The following PRELID2 variants were observed in gnomAD, a reference collection of about 807,000 sequenced individuals.
PRELID2 encodes the protein PRELI domain containing 2, also known as PRELI domain-containing protein 2.
PRELID2 carries 25 observed loss-of-function variants against 28.4 expected under a neutral mutation model. That is an observed-to-expected ratio of 0.88 (90% confidence interval 0.64 to 1.23). PRELID2 has a LOEUF of 1.23. PRELID2 is among the 50% of genes most tolerant of loss of function. The probability of loss-of-function intolerance (pLI) is 0.00; values close to 1 mark genes in which losing one functional copy is unlikely to be tolerated. For missense variants in PRELID2, 201 were observed against 214.4 expected, an observed-to-expected ratio of 0.94 and a Z score of 0.39; for synonymous variants, 76 against 71.6, an observed-to-expected ratio of 1.06 and a Z score of -0.31.
At chr5:145,784,067 A>C (rs1055095754) in intron 5 of PRELID2, among the ~76,000 whole-genome samples, 12 of 152,152 alleles carry the variant, frequency 7.9e-5, no homozygotes, top group African/African-American at 2.9e-4. Flanking sequence ...AGATCACTTG[A>C]GGCCACAGGT....
chr5:145,821,317 G>A (rs1403443169), intron 2 of PRELID2, among the ~76,000 whole-genome samples: 2 of 150,848 alleles, frequency 1.3e-5, no homozygotes, highest in African/African-American at 4.9e-5. Flanking sequence ...GTGTATGTGT[G>A]TAAGCCCTCT....
At chr5:145,346,550 T>C in the PRELID2 span, among the ~76,000 whole-genome samples, 1 of 152,164 alleles carries the variant, frequency 6.6e-6, no homozygotes. Context: ...TGTTCCATTT[T>C]AGGGGCTTTA....
chr5:145,551,259 G>T (rs903599878), intron 1 of PRELID2, among the ~76,000 whole-genome samples: 1 of 151,954 alleles, frequency 6.6e-6, no homozygotes, highest in African/African-American at 2.4e-5. Context: ...AAATTAGCTG[G>T]GTGTGGTGGC....
downstream of PRELID2, among the ~76,000 whole-genome samples, chr5:145,469,103 C>T (rs1333247663): frequency 6.6e-6 from 1 of 152,114 alleles, no homozygotes; most frequent in African/African-American, 2.4e-5. Context: ...CAGCAATTGG[C>T]TGGGACTAAG....
the PRELID2 span, among the ~76,000 whole-genome samples, chr5:145,345,980 T>A: frequency 6.6e-6 from 1 of 152,080 alleles, no homozygotes; most frequent in African/African-American, 2.4e-5. Flanking sequence ...AAATTGCAAA[T>A]AGCTAGGAGT....
chr5:145,595,749 T>C (rs569520527), intron 1 of PRELID2, among the ~76,000 whole-genome samples: 1 of 152,338 alleles, frequency 6.6e-6, no homozygotes, highest in East Asian at 1.9e-4. Context: ...TCAAAAGTTG[T>C]ATTCCTCTTT....
At chr5:145,375,309 A>C in the PRELID2 span, among the ~76,000 whole-genome samples, 685 of 152,046 alleles carry the variant, frequency 4.5e-3, 2 homozygotes, top group African/African-American at 0.016. Context: ...TGAAAATGTC[A>C]CTCAAGGAGG....
At chr5:145,260,044 A>G in the PRELID2 span, among the ~76,000 whole-genome samples, 1 of 152,082 alleles carries the variant, frequency 6.6e-6, no homozygotes, top group Non-Finnish European at 1.5e-5. Flanking sequence ...TGGTCGTTTA[A>G]AAGTGTGTAA....
intron 1 of PRELID2, among the ~76,000 whole-genome samples, chr5:145,642,037 G>T (rs1754116283): frequency 6.6e-6 from 1 of 152,102 alleles, no homozygotes; most frequent in Admixed American, 6.5e-5. Context: ...TTCAGAAATG[G>T]GATGGCTGGG....
chr5:145,713,783 C>T (rs1755770433), intron 1 of PRELID2, among the ~76,000 whole-genome samples: 1 of 147,830 alleles, frequency 6.8e-6, no homozygotes, highest in Non-Finnish European at 1.5e-5. Flanking sequence ...AATGGAATTA[C>T]ATTTTAAATG....
At chr5:145,384,692 G>T in the PRELID2 span, among the ~76,000 whole-genome samples, 1 of 152,166 alleles carries the variant, frequency 6.6e-6, no homozygotes, top group Non-Finnish European at 1.5e-5. Flanking sequence ...TCCAGCATCA[G>T]CTTCTGGGCA....
the PRELID2 span, among the ~76,000 whole-genome samples, chr5:145,441,575 G>C: frequency 6.6e-6 from 1 of 151,986 alleles, no homozygotes; most frequent in Non-Finnish European, 1.5e-5. Context: ...GGTCTTAACT[G>C]TAAGCAAAAA....
chr5:145,403,830 A>G, the PRELID2 span, among the ~76,000 whole-genome samples: 1 of 152,176 alleles, frequency 6.6e-6, no homozygotes, highest in Non-Finnish European at 1.5e-5. Flanking sequence ...CTCAAAATCT[A>G]TATGTAATAT....
chr5:145,829,433 T>C (rs1325083163), intron 1 of PRELID2, among the ~76,000 whole-genome samples: 2 of 152,228 alleles, frequency 1.3e-5, no homozygotes, highest in Non-Finnish European at 2.9e-5. Context: ...ATTATTGTTG[T>C]TGTTATCATT....
intron 1 of PRELID2, among the ~76,000 whole-genome samples, chr5:145,690,787 C>T (rs891697395): frequency 6.6e-6 from 1 of 152,198 alleles, no homozygotes; most frequent in Non-Finnish European, 1.5e-5. Context: ...TCTCTCTGCT[C>T]TTTCCCTATG....
At chr5:145,447,050 A>AAAATAAATAAATAAAT in the PRELID2 span, among the ~76,000 whole-genome samples, 14,737 of 140,036 alleles carry the variant, frequency 0.11, 928 homozygotes, top group Middle Eastern at 0.16. Flanking sequence ...ACTCCATCTC[A>AAAATAAATAAATAAAT]AAATAAATAA....
chr5:145,658,920 A>G (rs1754440354), intron 1 of PRELID2, among the ~76,000 whole-genome samples: 1 of 152,224 alleles, frequency 6.6e-6, no homozygotes, highest in South Asian at 2.1e-4. Flanking sequence ...AACTTTAGGT[A>G]CTGTGTTTCA....
the PRELID2 span, among the ~76,000 whole-genome samples, chr5:145,427,528 T>A: frequency 3.9e-5 from 6 of 152,200 alleles, no homozygotes; most frequent in African/African-American, 1.4e-4. Context: ...CACAGTACCA[T>A]CTGGGTGAGA....
At chr5:145,289,036 T>C in the PRELID2 span, among the ~76,000 whole-genome samples, 2 of 152,174 alleles carry the variant, frequency 1.3e-5, no homozygotes, top group Non-Finnish European at 2.9e-5. Context: ...TTGTTGGCAC[T>C]GTTTCCCATT....
Sources: allele counts gnomAD v4.1 joint callset (sites outside exome capture counted in the v4.1 genomes callset), GRCh38; gene constraint gnomAD v4.1.1; transcripts MANE v1.5; gene names NCBI Gene and HGNC (gene_info 2026-07-23, HGNC 2026-07-21).